PLXNA4: variants seen among roughly 807,000 people sequenced by gnomAD.
The protein encoded by PLXNA4 is plexin A4.
PLXNA4 carries 44 observed loss-of-function variants against 191.8 expected under a neutral mutation model. That is an observed-to-expected ratio of 0.23 (90% CI 0.18 to 0.29). PLXNA4 has a LOEUF of 0.29. PLXNA4 is among the 10% of genes least tolerant of loss of function. PLXNA4 has a pLI of 1.00. For synonymous variants in PLXNA4, 1,082 were observed against 1,009.5 expected, an observed-to-expected ratio of 1.07 and a Z score of -1.36; for missense variants, 1,800 against 2,488.8, an observed-to-expected ratio of 0.72 and a Z score of 5.89.
At chr7:132,132,464 TCTGCTCTGCTCTGC>T in intron 31 of PLXNA4, among the ~76,000 whole-genome samples, 2 of 29,304 alleles carry the variant, frequency 6.8e-5, no homozygotes, top group African/African-American at 2.4e-4. Context: ...TCTGTTCTGT[TCTGCTCTGCTCTGC>T]TCTGCTCTGC....
chr7:132,349,136 C>T (rs1803376118), intron 3 of PLXNA4, among the ~76,000 whole-genome samples: 1 of 152,064 alleles, frequency 6.6e-6, no homozygotes, highest in Admixed American at 6.6e-5. Context: ...CATGTTTGAG[C>T]TTTTCTTGAA....
intron 25 of PLXNA4, 117 bp downstream of exon 25, chr7:132,159,356 C>A: frequency 1.3e-6 from 2 of 1,496,882 alleles, no homozygotes; most frequent in Non-Finnish European, 1.8e-6. Context: ...TGACTCCCTC[C>A]AGCCAGTGAT....
At chr7:132,174,969 A>G (rs775580409) in intron 20 of PLXNA4, 49 bp from the exon 21 acceptor site, 11 of 1,606,772 alleles carry the variant, frequency 6.8e-6, no homozygotes, top group Non-Finnish European at 9.4e-6. Flanking sequence ...AGGCTCCAGG[A>G]GTCACCTCCA....
intron 14 of PLXNA4, among the ~76,000 whole-genome samples, chr7:132,192,806 C>G (rs938164916): frequency 6.6e-6 from 1 of 152,092 alleles, no homozygotes; most frequent in Non-Finnish European, 1.5e-5. Flanking sequence ...AATCACAAGG[C>G]TGAGAGATTC....
intron 1 of PLXNA4, among the ~76,000 whole-genome samples, chr7:132,568,999 C>T (rs770471763): frequency 6.6e-5 from 10 of 152,212 alleles, no homozygotes; most frequent in Non-Finnish European, 1.2e-4. Context: ...GCCAAGGAAG[C>T]CCCAGCCCCA....
At chr7:132,176,777 T>G (rs998718038) in intron 20 of PLXNA4, among the ~76,000 whole-genome samples, 4 of 151,946 alleles carry the variant, frequency 2.6e-5, no homozygotes, top group Non-Finnish European at 4.4e-5. Flanking sequence ...TGCATGAGTG[T>G]GTGTGTATGC....
At position 132,469,259 on chromosome 7, in the gene PLXNA4, T is replaced by C. The variant is rs1435820518; in HGVS notation, c.1371+20033A>G. 4.6e-5 allele frequency among the ~76,000 whole-genome samples: 7 copies of C among 152,158 alleles called. No homozygotes were observed. The South Asian group carries it at 1.2e-3, about 27-fold the overall frequency. ...GGAGTCTGTGGATGAAGAAATGCCTTACCTCCCTAAGTTTCTTTAGGGTAA... is the reference window on the plus strand; with the variant it reads ...GGAGTCTGTGGATGAAGAAATGCCTCACCTCCCTAAGTTTCTTTAGGGTAA... On this transcript the variant is annotated intron_variant, in intron 3 of 31. Coordinates refer to ENST00000321063, the MANE Select transcript of PLXNA4 (RefSeq NM_020911.2).
intron 3 of PLXNA4, among the ~76,000 whole-genome samples, chr7:132,342,047 AG>A (rs765576677): frequency 4.0e-5 from 6 of 151,642 alleles, no homozygotes; most frequent in Non-Finnish European, 7.4e-5. Context: ...CAAGGGAGGC[AG>A]GGGGTGACAT....
chr7:132,584,611 G>A (rs73446880), intron 2 of PLXNA4, among the ~76,000 whole-genome samples: 1 of 152,248 alleles, frequency 6.6e-6, no homozygotes, highest in African/African-American at 2.4e-5. Context: ...ACAGCAAAAT[G>A]CAGAACAGTG....
chr7:132,272,330 CA>C (rs2116334978), intron 4 of PLXNA4, among the ~76,000 whole-genome samples: 1 of 152,284 alleles, frequency 6.6e-6, no homozygotes, highest in South Asian at 2.1e-4. Flanking sequence ...AAGTACATTA[CA>C]AACTTCTCAG....
intron 3 of PLXNA4, among the ~76,000 whole-genome samples, chr7:132,357,376 G>C (rs73158814): frequency 0.046 from 7,022 of 152,246 alleles, 251 homozygotes; most frequent in Middle Eastern, 0.078. Flanking sequence ...TCAGCAAAGG[G>C]CTTCTTGCAC....
intron 3 of PLXNA4, among the ~76,000 whole-genome samples, chr7:132,379,973 C>T (rs1009634742): frequency 1.4e-4 from 22 of 152,146 alleles, no homozygotes; most frequent in African/African-American, 4.8e-4. Flanking sequence ...TTGCCACCAC[C>T]GTCACCCCTC....
intron 3 of PLXNA4, among the ~76,000 whole-genome samples, chr7:132,425,815 G>C (rs965862205): frequency 1.3e-5 from 2 of 152,230 alleles, no homozygotes; most frequent in Non-Finnish European, 2.9e-5. Context: ...ACTCTCCATC[G>C]AGGTGGGGGC....
At chr7:132,591,721 G>A (rs1802606061) in intron 2 of PLXNA4, among the ~76,000 whole-genome samples, 1 of 152,148 alleles carries the variant, frequency 6.6e-6, no homozygotes, top group African/African-American at 2.4e-5. Context: ...TGGGTCCTCA[G>A]CAAAGGCTGT....
intron 1 of PLXNA4, among the ~76,000 whole-genome samples, chr7:132,519,113 C>T (rs1799065751): frequency 1.3e-5 from 2 of 152,228 alleles, no homozygotes; most frequent in African/African-American, 2.4e-5. Context: ...CAATAGGATC[C>T]TGGCTTGGGG....
intron 1 of PLXNA4, among the ~76,000 whole-genome samples, chr7:132,540,569 C>CT (rs71915138): frequency 0.015 from 897 of 60,940 alleles, 244 homozygotes; most frequent in East Asian, 0.051. Flanking sequence ...GTGGACCGTT[C>CT]TTTTTTTTTT....
At chr7:132,554,415 C>T (rs1800700094) in intron 1 of PLXNA4, among the ~76,000 whole-genome samples, 1 of 152,232 alleles carries the variant, frequency 6.6e-6, no homozygotes, top group Non-Finnish European at 1.5e-5. Flanking sequence ...TCAAAATACA[C>T]TGACACACTC....
chr7:132,583,096 C>A (rs938907334), intron 2 of PLXNA4, among the ~76,000 whole-genome samples: 4 of 152,182 alleles, frequency 2.6e-5, no homozygotes, highest in Admixed American at 2.6e-4. Flanking sequence ...AGTTCAGTTC[C>A]AGAGTATTGG....
At chr7:132,258,180 C>T (rs1799499061) in intron 4 of PLXNA4, among the ~76,000 whole-genome samples, 1 of 152,250 alleles carries the variant, frequency 6.6e-6, no homozygotes, top group Non-Finnish European at 1.5e-5. Context: ...TGGTGCTTCT[C>T]TGGCCAATGC....
Sources: allele counts gnomAD v4.1 joint callset (sites outside exome capture counted in the v4.1 genomes callset), GRCh38; gene constraint gnomAD v4.1.1; transcripts MANE v1.5; gene names NCBI Gene and HGNC (gene_info 2026-07-23, HGNC 2026-07-21).